The following CDH8 variants were observed in gnomAD, a reference collection of about 807,000 sequenced individuals.
CDH8 encodes cadherin 8.
In CDH8, 17 loss-of-function variants were observed where a neutral mutation model predicts 68.1. The observed-to-expected ratio is 0.25, with a 90% CI of 0.17 to 0.37. The LOEUF (loss-of-function observed/expected upper bound fraction) is 0.37. Ranked by LOEUF, CDH8 falls within the 10% of genes least tolerant of loss-of-function variation. The probability of loss-of-function intolerance (pLI) is 1.00; values close to 1 mark genes in which losing one functional copy is unlikely to be tolerated. For missense variants in CDH8, 763 were observed against 999.3 expected (o/e 0.76, Z 3.19); for synonymous variants, 372 against 365.1 (o/e 1.02, Z -0.21).
intron 8 of CDH8, among the ~76,000 whole-genome samples, chr16:61,787,345 C>T (rs1961250319): frequency 6.8e-6 from 1 of 147,482 alleles, no homozygotes; most frequent in East Asian, 2.0e-4. Flanking sequence ...AAAAAATGCT[C>T]ATCATCACTA....
chr16:61,703,672 C>G (rs1327974995), intron 10 of CDH8, among the ~76,000 whole-genome samples: 2 of 152,036 alleles, frequency 1.3e-5, no homozygotes, highest in East Asian at 3.9e-4. Context: ...AACGCCGTCT[C>G]TACCAAAAAT....
In CDH8 at chr16:61,768,314, T is replaced by TTCTCTCTCTCTCTCTCTCTC. The variant is rs1206629963; in HGVS notation, c.1414+21012_1414+21031dup. 1.7e-3 allele frequency among the ~76,000 whole-genome samples: 30 copies of TTCTCTCTCTCTCTCTCTCTC among 17,204 alleles called. 1 individual carries two copies. The highest frequency in any genetic ancestry group is 5.2e-3 in the East Asian group (2 of 382). 11.3% of individuals were successfully genotyped at this position (17,204 alleles called of 152,430 possible). The stretch of plus-strand genomic sequence containing the variant: ...AGGCTCTCTCTCTGTGTCTCTCCCT[T>TTCTCTCTCTCTCTCTCTCTC]TCTCTCTCTCTCTCTCTCTCTCTCT... On this transcript the variant is annotated intron_variant, in intron 8 of 11. Transcript: ENST00000577390.
At chr16:61,891,016 A>G (rs1453142586) in intron 3 of CDH8, among the ~76,000 whole-genome samples, 2 of 152,064 alleles carry the variant, frequency 1.3e-5, no homozygotes, top group Admixed American at 6.6e-5. Flanking sequence ...ATGTTTCTAT[A>G]AGACTATAAT....
intron 3 of CDH8, among the ~76,000 whole-genome samples, chr16:61,863,936 C>A (rs974864737): frequency 6.6e-6 from 1 of 152,150 alleles, no homozygotes; most frequent in African/African-American, 2.4e-5. Flanking sequence ...GATGCAACTG[C>A]GTTCATTTAT....
intron 9 of CDH8, among the ~76,000 whole-genome samples, chr16:61,715,069 A>T (rs1964700173): frequency 6.6e-6 from 1 of 151,626 alleles, no homozygotes; most frequent in African/African-American, 2.4e-5. Context: ...ATGTTATATG[A>T]TAGGCAATTC....
intron 2 of CDH8, among the ~76,000 whole-genome samples, chr16:61,991,750 C>T (rs543232407): frequency 7.9e-5 from 12 of 152,198 alleles, no homozygotes; most frequent in Non-Finnish European, 1.2e-4. Context: ...CGCTTGCCTT[C>T]GATTCTTCCA....
chr16:61,834,141 C>T (rs541152661), intron 4 of CDH8, among the ~76,000 whole-genome samples: 1 of 151,830 alleles, frequency 6.6e-6, no homozygotes, highest in South Asian at 2.1e-4. Flanking sequence ...GTAATTGAAG[C>T]TTGCTGCTTC....
intron 4 of CDH8, among the ~76,000 whole-genome samples, chr16:61,855,787 T>C (rs904021316): frequency 1.3e-5 from 2 of 152,130 alleles, no homozygotes; most frequent in African/African-American, 4.8e-5. Context: ...GTCCCACCTC[T>C]GCTATGAACT....
intron 2 of CDH8, among the ~76,000 whole-genome samples, chr16:61,904,011 C>A (rs1188859047): frequency 6.6e-6 from 1 of 151,896 alleles, no homozygotes; most frequent in Non-Finnish European, 1.5e-5. Flanking sequence ...TCACTTTTAG[C>A]TTATCCAAGT....
At chr16:61,812,038 CCCT>C (rs1265979371) in intron 7 of CDH8, among the ~76,000 whole-genome samples, 12 of 152,032 alleles carry the variant, frequency 7.9e-5, no homozygotes, top group Admixed American at 6.6e-4. Flanking sequence ...GATAGTGGAT[CCCT>C]TATTAAGTGC....
chr16:62,031,069 A>G (rs1482398566), intron 1 of CDH8, among the ~76,000 whole-genome samples: 1 of 152,200 alleles, frequency 6.6e-6, no homozygotes, highest in Non-Finnish European at 1.5e-5. Context: ...TGAGTCACCC[A>G]TGCAGCAACT....
chr16:61,827,694 C>T (rs1287269121), intron 4 of CDH8, among the ~76,000 whole-genome samples: 1 of 151,764 alleles, frequency 6.6e-6, no homozygotes, highest in Non-Finnish European at 1.5e-5. Context: ...CTCCATGGGA[C>T]TTCATCAATT....
At chr16:61,808,358 A>G (rs1184924204) in intron 7 of CDH8, among the ~76,000 whole-genome samples, 1 of 152,308 alleles carries the variant, frequency 6.6e-6, no homozygotes, top group Non-Finnish European at 1.5e-5. Context: ...TAAAAAAAAA[A>G]TAGAAATTTA....
chr16:61,914,127 A>G (rs1213519831), intron 2 of CDH8, among the ~76,000 whole-genome samples: 1 of 152,094 alleles, frequency 6.6e-6, no homozygotes, highest in African/African-American at 2.4e-5. Flanking sequence ...ACACAGAGAG[A>G]AGGCACCCAT....
chr16:61,712,743 A>G (rs1238281975), intron 10 of CDH8, among the ~76,000 whole-genome samples: 2 of 151,678 alleles, frequency 1.3e-5, no homozygotes, highest in East Asian at 3.9e-4. Context: ...CTAAATTAGT[A>G]ATATCTATAT....
chr16:61,750,803 T>G (rs1260317056), intron 8 of CDH8, among the ~76,000 whole-genome samples: 1 of 152,154 alleles, frequency 6.6e-6, no homozygotes, highest in Non-Finnish European at 1.5e-5. Flanking sequence ...CAGAATTTCA[T>G]AATTTCAAAT....
At chr16:61,789,013 TTTAAA>T (rs1246073641) in intron 8 of CDH8, among the ~76,000 whole-genome samples, 1 of 151,962 alleles carries the variant, frequency 6.6e-6, no homozygotes, top group Non-Finnish European at 1.5e-5. Context: ...TGTCCAATTA[TTTAAA>T]TTATAGTGTA....
At chr16:61,747,987 T>C (rs1960064824) in intron 8 of CDH8, among the ~76,000 whole-genome samples, 1 of 152,038 alleles carries the variant, frequency 6.6e-6, no homozygotes, top group African/African-American at 2.4e-5. Context: ...TCAACCAGTT[T>C]GATGTAGATT....
intron 3 of CDH8, among the ~76,000 whole-genome samples, chr16:61,887,540 C>T (rs1459462734): frequency 2.6e-5 from 4 of 152,126 alleles, no homozygotes; most frequent in African/African-American, 7.2e-5. Context: ...TGTTCATCTG[C>T]GCACTTGTGC....
Sources: gnomAD v4.1 joint callset for allele counts (sites outside exome capture counted in the v4.1 genomes callset) on GRCh38, gnomAD v4.1.1 for gene constraint, MANE v1.5 for transcripts, NCBI Gene and HGNC (gene_info 2026-07-23, HGNC 2026-07-21) for gene names.